HCFC1: variants seen among roughly 807,000 people sequenced by gnomAD.
HCFC1 encodes host cell factor 1.
Under a neutral mutation model 105.5 loss-of-function variants are expected in HCFC1, and 7 were observed. That is an observed-to-expected ratio of 0.07 (90% CI 0.04 to 0.12). The LOEUF (loss-of-function observed/expected upper bound fraction) is 0.12, where lower values mean the gene tolerates loss of function less well. HCFC1 is among the 10% of genes least tolerant of loss of function. HCFC1 has a pLI of 1.00. For synonymous variants in HCFC1, 918 were observed against 828.1 expected (o/e 1.11, Z -1.86); for missense variants, 1,065 against 1,823.6 (o/e 0.58, Z 7.58).
Position 153,952,750 on chromosome X carries a change from G to T in HCFC1, c.4706C>A (p.Thr1569Asn). ...QESAGSAVVA[T>N]VVVQPPPPTQ... ...GGGTGGGGGTGGCTGGACCACCACA[G>T]TGGCCACCACCGCAGAGCCGGCAGA... Residue 1569 changes from threonine (T) to asparagine (N), a missense_variant, in exon 19 of 26, where the codon ACT becomes AAT. Around this residue, in one of 17 missense-constraint regions of HCFC1, gnomAD observed 546 missense variants for 599.9 expected, o/e 0.91. Coordinates refer to ENST00000310441, the MANE Select transcript of HCFC1 (RefSeq NM_005334.3). 1 of 1,209,106 alleles carries T rather than the reference G, an allele frequency of 8.3e-7. No homozygotes were observed. The highest frequency in any genetic ancestry group is 1.1e-6 in the Non-Finnish European group (1 of 893,788).
chrX:153,948,732 T>C lies in HCFC1; in HGVS notation c.*615A>G, dbSNP rs2065280056. 8.9e-6 allele frequency: 1 copy of C among 112,458 alleles called. No individual in the cohort carries two copies. The highest frequency in any genetic ancestry group is 3.2e-5 in the African/African-American group (1 of 30,910). The allele number at this position is 112,458 out of a possible 1,213,427, so 9.3% of individuals were successfully genotyped here. ...GGGGCTCCTTGCCCCTTTTTTCTTT[T>C]TCCTTCTTTTCTTTTTTAAAATGGG... On this transcript the variant is annotated 3_prime_UTR_variant, in exon 26 of 26. Transcript: ENST00000310441.
chrX:153,957,513 C>G lies in HCFC1; in HGVS notation c.2154G>C (p.Ala718=). Residue 718 remains alanine (A), a synonymous_variant, in exon 13 of 26, where the codon GCG becomes GCC. Coordinates refer to ENST00000310441, the MANE Select transcript of HCFC1 (RefSeq NM_005334.3). The part of the protein sequence containing the change: ...QIIQTKGPLP[A]GTILKLVTSA... ...AGGTCACCAGCTTCAGGATTGTTCC[C>G]GCTGGCAGGGGCCCTTTGGTCTGAA... 2 of 1,204,771 alleles carry G rather than the reference C, an allele frequency of 1.7e-6. No individual in the cohort carries two copies. The highest frequency in any genetic ancestry group is 4.4e-5 in the Admixed American group (2 of 45,618).
At position 153,950,764 on chromosome X, in the gene HCFC1, C is replaced by A. The variant is rs781885495; in HGVS notation, c.5703+49G>T. 3.5e-5 allele frequency: 40 copies of A among 1,138,997 alleles called. No individual in the cohort carries two copies. In the South Asian group the frequency reaches 7.4e-4, roughly 21 times the overall value. The allele number at this position is 1,138,997 out of a possible 1,213,427, so 93.9% of individuals were successfully genotyped here. On this transcript the variant is annotated intron_variant, in intron 23 of 25. Coordinates refer to ENST00000310441, the MANE Select transcript of HCFC1 (RefSeq NM_005334.3). ...CCCCCGGCCACCTCATGTGCTGAGG[C>A]AGGCAGAAACCAACCAGGGACAGAC...
At position 153,958,165 on chromosome X, in the gene HCFC1, G is replaced by A. The variant is rs2065396012; in HGVS notation, c.1888C>T (p.Arg630Cys). The change falls in exon 11 of 26, where the codon CGC (arginine) becomes TGC (cysteine). Residue 630 changes from arginine (R) to cysteine (C), a missense_variant. Physicochemically the swap from Arg to Cys is radical, Grantham distance 180 (BLOSUM62 -3). Coordinates refer to ENST00000310441, the MANE Select transcript of HCFC1 (RefSeq NM_005334.3). The stretch of plus-strand genomic sequence containing the variant: ...GACTTGTGCACTGTGATGATAGGGC[G>A]GGTAGACGTGTTGGTGGCGGAGGAA... ...SVSSATNTST[R>C]PIITVHKSGT... 1 of 1,211,564 alleles carries A rather than the reference G, an allele frequency of 8.3e-7. No homozygotes were observed. The highest frequency in any genetic ancestry group is 1.1e-6 in the Non-Finnish European group (1 of 894,901).
chrX:153,964,337 G>A (rs2065456431), intron 2 of HCFC1, 53 bp from the exon 3 acceptor site: 8 of 1,085,045 alleles, frequency 7.4e-6, no homozygotes, highest in Admixed American at 2.9e-5. Context: ...GCCACCACTA[G>A]GGACCCGGGG....
In HCFC1 at chrX:153,951,823, T is replaced by C. The variant is rs1557112613; in HGVS notation, c.5260+18A>G. The C allele has an allele frequency of 8.5e-7, 1 of 1,180,525 alleles. No individual in the cohort carries two copies. Among genetic ancestry groups the C allele is most frequent in the East Asian group, 3.0e-5 (1 of 33,481 alleles). ...GTGCCCCCACCACCCCAGCACCAAT[T>C]CGCCCTCAGTCGCTTACTCTCAGTG... On this transcript the variant is annotated intron_variant, in intron 20 of 25. Transcript: ENST00000310441.
intron 9 of HCFC1, 102 bp from the exon 10 acceptor site, chrX:153,958,868 G>A: frequency 6.6e-6 from 4 of 609,890 alleles, no homozygotes; most frequent in Non-Finnish European, 9.6e-6. Context: ...CTGCTCTTGG[G>A]AGCCTCATCC....
At position 153,956,962 on chromosome X, in the gene HCFC1, C is replaced by T; in HGVS notation, c.2452G>A (p.Val818Ile). Reference sequence around the variant, plus strand: ...CCGTGGCCAGTGGCAATTTTGGGGACAGCAGTGATGATTTTCGCAGGTGCT... The same window carrying T: ...CCGTGGCCAGTGGCAATTTTGGGGATAGCAGTGATGATTTTCGCAGGTGCT... ...TGAPAKIITA[V>I]PKIATGHGQQ... The change falls in exon 14 of 26, where the codon GTC becomes ATC. Residue 818 changes from valine to isoleucine, a missense_variant. Val to Ile is a conservative substitution (Grantham distance 29, BLOSUM62 3). This residue lies in a region of HCFC1 where 137 missense variants were observed against 378.2 expected (regional missense o/e 0.36). Coordinates refer to ENST00000310441, the MANE Select transcript of HCFC1 (RefSeq NM_005334.3). The T allele has an allele frequency of 1.7e-6, 2 of 1,210,587 alleles. No homozygotes were observed. The highest frequency in any genetic ancestry group is 2.2e-6 in the Non-Finnish European group (2 of 895,268).
intron 8 of HCFC1, 107 bp downstream of exon 8, chrX:153,959,695 G>T: frequency 9.5e-7 from 1 of 1,048,900 alleles, no homozygotes; most frequent in Non-Finnish European, 1.3e-6. Flanking sequence ...AAAGCTCCCG[G>T]CTGCTGGCCT....
At position 153,952,703 on chromosome X, in the gene HCFC1, A is replaced by G. The variant is rs782530029; in HGVS notation, c.4753T>C (p.Leu1585=). ...GCCATTAGCTCTTGGGGAAGTGATA[A>G]CTGGTCTACTTCGGACTGTGTGGGT... ...PPPTQSEVDQ[L]SLPQELMAEA... Residue 1585 remains leucine (L), a synonymous_variant, in exon 19 of 26, where the codon TTA becomes CTA. Transcript: ENST00000310441. 3 of 1,209,345 alleles carry G rather than the reference A, an allele frequency of 2.5e-6. No individual in the cohort carries two copies. In the South Asian group the frequency reaches 5.3e-5, roughly 21 times the overall value.
intron 13 of HCFC1, 66 bp from the exon 14 acceptor site, chrX:153,957,126 T>C: frequency 1.8e-6 from 2 of 1,122,955 alleles, no homozygotes; most frequent in Non-Finnish European, 2.4e-6. Context: ...GCCCCTAGAC[T>C]ATAATGAACA....
At chrX:153,954,023 G>A (rs782379810) in intron 17 of HCFC1, 43 bp downstream of exon 17, 5 of 1,157,613 alleles carry the variant, frequency 4.3e-6, no homozygotes, top group Non-Finnish European at 5.8e-6. Context: ...TCAGCCTGGG[G>A]GGCTGGGAGA....
chrX:153,960,563 C>A, intron 6 of HCFC1, 149 bp from the exon 7 acceptor site: 6 of 414,548 alleles, frequency 1.4e-5, no homozygotes, highest in Non-Finnish European at 2.4e-5. Flanking sequence ...ACAAAGAAAC[C>A]CTTTGTGGCA....
chrX:153,957,268 T>C, intron 13 of HCFC1, 46 bp downstream of exon 13: 1 of 1,088,111 alleles, frequency 9.2e-7, no homozygotes, highest in Admixed American at 2.6e-5. Context: ...CCATTTCCCC[T>C]CCAGTGAGGA....
chrX:153,959,537 T>C (rs782424739), intron 8 of HCFC1, 46 bp from the exon 9 acceptor site: 29 of 1,193,411 alleles, frequency 2.4e-5, no homozygotes, highest in Non-Finnish European at 2.9e-5. Context: ...TTCTGCACGA[T>C]GTCCCCAGCC....
In HCFC1 at chrX:153,956,905, G is replaced by A. The variant is rs2065383119; in HGVS notation, c.2496+13C>T. The stretch of plus-strand genomic sequence containing the variant: ...TAGGACACTGGGCTGAGAGACGGCT[G>A]GGAGTGCCTCACCTGGGTCACTCCC... On this transcript the variant is annotated intron_variant, in intron 14 of 25. Transcript: ENST00000310441. 3 of 1,210,300 alleles carry A rather than the reference G, an allele frequency of 2.5e-6. No homozygotes were observed. Among genetic ancestry groups the A allele is most frequent in the Non-Finnish European group, 2.2e-6 (2 of 895,161 alleles).
intron 16 of HCFC1, 97 bp downstream of exon 16, chrX:153,956,094 C>T (rs2065373567): frequency 8.5e-6 from 7 of 824,594 alleles, no homozygotes; most frequent in Non-Finnish European, 1.2e-5. Flanking sequence ...CAGCGCAACA[C>T]CAGGAAGGAA....
At position 153,954,042 on chromosome X, in the gene HCFC1, G is replaced by A. The variant is rs782302783; in HGVS notation, c.4333+24C>T. On this transcript the variant is annotated intron_variant, in intron 17 of 25. Transcript: ENST00000310441. ...CCTGGGGGGCTGGGAGACCATGAAAGCCAGGCTGGCCACCTTCACTTACCT... is the reference window on the plus strand; with the variant it reads ...CCTGGGGGGCTGGGAGACCATGAAAACCAGGCTGGCCACCTTCACTTACCT... 65 of 1,172,458 alleles carry A rather than the reference G, an allele frequency of 5.5e-5. No individual in the cohort carries two copies. The Admixed American group carries it at 1.5e-3, about 27-fold the overall frequency.
Position 153,958,033 on chromosome X carries a change from T to C in HCFC1, c.2020A>G (p.Ser674Gly), listed in dbSNP as rs781892249. 8.3e-7 allele frequency: 1 copy of C among 1,209,133 alleles called. No individual in the cohort carries two copies. Among genetic ancestry groups the C allele is most frequent in the Non-Finnish European group, 1.1e-6 (1 of 893,009 alleles). ...VKSPISVPGG[S>G]ALISNLGKVM... ...CAGCACCCATCACTCACCAGAGCAC[T>C]GCCTCCTGGGACAGAGATGGGGCTC... Residue 674 changes from serine (S) to glycine (G), a missense_variant, in exon 11 of 26, where the codon AGT becomes GGT. Coordinates refer to ENST00000310441, the MANE Select transcript of HCFC1 (RefSeq NM_005334.3).
Sources: gnomAD v4.1 joint callset for allele counts on GRCh38, gnomAD v4.1.1 for gene constraint, gnomAD v4.1.1 regional missense constraint, MANE v1.5 for transcripts, NCBI Gene and HGNC (gene_info 2026-07-23, HGNC 2026-07-21) for gene names.